MAP2K3: variants seen among roughly 807,000 people sequenced by gnomAD.
MAP2K3 encodes the protein dual specificity mitogen-activated protein kinase kinase 3.
A neutral mutation model predicts 46.4 loss-of-function variants in MAP2K3; 30 were observed. That is an observed-to-expected ratio of 0.65 (90% CI 0.48 to 0.88). The LOEUF (loss-of-function observed/expected upper bound fraction) is 0.88, where lower values mean the gene tolerates loss of function less well. MAP2K3 is among the 40% of genes least tolerant of loss of function. MAP2K3 has a pLI of 0.00. For missense variants in MAP2K3, 380 were observed against 464.5 expected (o/e 0.82, Z 1.67); for synonymous variants, 189 against 176.3 (o/e 1.07, Z -0.57).
At chr17:21,298,260 G>T in intron 1 of MAP2K3, 153 bp from the exon 2 acceptor site, 1 of 1,104,380 alleles carries the variant, frequency 9.1e-7, no homozygotes, top group Non-Finnish European at 1.4e-6. Flanking sequence ...CCCCTTTGAA[G>T]GCCTAACGGC....
chr17:21,284,763 C>G lies in MAP2K3; in HGVS notation c.-158C>G. 2.8e-6 allele frequency: 2 copies of G among 717,040 alleles called. No homozygotes were observed. Among genetic ancestry groups the G allele is most frequent in the Non-Finnish European group, 4.3e-6 (2 of 469,114 alleles). The allele number at this position is 717,040 out of a possible 1,614,324, so 44.4% of individuals were successfully genotyped here. A position where few individuals can be genotyped will look rare whatever the true frequency, so the allele number is the denominator to read the frequency against. On this transcript the variant is annotated 5_prime_UTR_variant, in exon 1 of 12. Coordinates refer to ENST00000342679, the MANE Select transcript of MAP2K3 (RefSeq NM_145109.3). ...GACTCGTCCTTGCTGCAGTCGCCGC[C>G]GCAGTCCTCGCCGCAGTCGCCGCCG...
At chr17:21,312,936 A>G (rs554641731) in intron 10 of MAP2K3, among the ~76,000 whole-genome samples, 1 of 149,888 alleles carries the variant, frequency 6.7e-6, no homozygotes, top group Admixed American at 6.6e-5. Context: ...AAAAAAAATC[A>G]TGTTTGAGGT....
chr17:21,301,811 G>C (rs1335549996), intron 5 of MAP2K3, among the ~76,000 whole-genome samples: 49 of 152,394 alleles, frequency 3.2e-4, no homozygotes, highest in African/African-American at 1.1e-3. Flanking sequence ...AGCAGGGCCG[G>C]CTGTTGCCAT....
At chr17:21,285,339 C>A in intron 1 of MAP2K3, 3 of 955,590 alleles carry the variant, frequency 3.1e-6, no homozygotes, top group East Asian at 1.2e-4. Context: ...GAGATTCACA[C>A]TGGCCTTCAC....
At chr17:21,289,471 A>T (rs568672700) in intron 1 of MAP2K3, among the ~76,000 whole-genome samples, 26 of 152,260 alleles carry the variant, frequency 1.7e-4, no homozygotes, top group African/African-American at 5.5e-4. Context: ...GAGGGGAGCA[A>T]CTGGGTGCCA....
At chr17:21,298,265 A>G in intron 1 of MAP2K3, 148 bp from the exon 2 acceptor site, 1 of 1,167,146 alleles carries the variant, frequency 8.6e-7, no homozygotes, top group Non-Finnish European at 1.3e-6. Context: ...TTGAAGGCCT[A>G]ACGGCCTGGC....
intron 9 of MAP2K3, among the ~76,000 whole-genome samples, chr17:21,307,845 C>CTTTTTTTTTTTT (rs35690616): frequency 9.5e-6 from 1 of 104,764 alleles, no homozygotes; most frequent in Non-Finnish European, 1.8e-5. Flanking sequence ...GCCCGGCTAT[C>CTTTTTTTTTTTT]TTTTTTTTTT....
intron 1 of MAP2K3, chr17:21,288,011 C>T (rs1975770567): frequency 7.8e-7 from 1 of 1,289,074 alleles, no homozygotes; most frequent in Non-Finnish European, 1.0e-6. Context: ...GTCAGCCAAC[C>T]CATGGCCCAG....
intron 5 of MAP2K3, 97 bp downstream of exon 5, chr17:21,301,090 G>A (rs1381799123): frequency 1.3e-6 from 2 of 1,585,374 alleles, no homozygotes; most frequent in Middle Eastern, 1.7e-4. Flanking sequence ...GCCAGGTGCT[G>A]GGGACACCTG....
intron 9 of MAP2K3, among the ~76,000 whole-genome samples, chr17:21,308,581 T>C (rs73313772): frequency 2.0e-5 from 3 of 152,292 alleles, no homozygotes; most frequent in Admixed American, 6.5e-5. Flanking sequence ...TTTTCTTTAA[T>C]TGGTGACATG....
At chr17:21,306,039 C>A (rs1030456474) in intron 9 of MAP2K3, among the ~76,000 whole-genome samples, 2 of 152,230 alleles carry the variant, frequency 1.3e-5, no homozygotes, top group African/African-American at 4.8e-5. Context: ...GAAGCGCTGG[C>A]GGGGTGTTTT....
At chr17:21,299,026 T>C in intron 3 of MAP2K3, 100 bp downstream of exon 3, 1 of 1,530,910 alleles carries the variant, frequency 6.5e-7, no homozygotes, top group Non-Finnish European at 9.0e-7. Flanking sequence ...GACTGAGGGG[T>C]CAGAGAGGGT....
chr17:21,297,588 C>T (rs1182007672), intron 1 of MAP2K3, among the ~76,000 whole-genome samples: 1 of 152,308 alleles, frequency 6.6e-6, no homozygotes, highest in Non-Finnish European at 1.5e-5. Flanking sequence ...CAAAGGGCGG[C>T]CCTGACTACA....
intron 3 of MAP2K3, among the ~76,000 whole-genome samples, 198 bp downstream of exon 3, chr17:21,299,124 C>T (rs1013092733): frequency 6.6e-6 from 1 of 152,312 alleles, no homozygotes. Context: ...GGAATGAGGA[C>T]CATCGGCTGC....
Position 21,300,607 on chromosome 17 carries a change from G to A in MAP2K3, c.228G>A (p.Gly76=), listed in dbSNP as rs770333840. ...TISELGRGAY[G]VVEKVRHAQS... is the part of the protein sequence containing the mutation. ...CAGAACTGGGCCGTGGAGCCTATGG[G>A]GTGGTAGAGAAGGTGCGGCACGCCC... is the stretch of plus-strand genomic sequence containing the variant. The change falls in exon 4 of 12, where the codon GGG becomes GGA. Residue 76 remains glycine (G), a synonymous_variant. Coordinates refer to ENST00000342679, the MANE Select transcript of MAP2K3 (RefSeq NM_145109.3). The A allele has an allele frequency of 9.9e-6, 16 of 1,613,076 alleles. No homozygotes were observed. In the East Asian group the frequency reaches 2.2e-4, roughly 22 times the overall value.
intron 2 of MAP2K3, 44 bp downstream of exon 2, chr17:21,298,523 T>A: frequency 6.2e-7 from 1 of 1,614,182 alleles, no homozygotes; most frequent in Non-Finnish European, 8.5e-7. Flanking sequence ...TGGAGAGGCT[T>A]CCCGAACAGG....
At chr17:21,304,146 A>T (rs1281279489) in intron 7 of MAP2K3, among the ~76,000 whole-genome samples, 2 of 152,306 alleles carry the variant, frequency 1.3e-5, no homozygotes, top group Non-Finnish European at 2.9e-5. Flanking sequence ...CTCCCAGCAA[A>T]GCACCTGGAG....
chr17:21,301,020 G>T, intron 5 of MAP2K3, 27 bp downstream of exon 5: 1 of 1,613,862 alleles, frequency 6.2e-7, no homozygotes, highest in Non-Finnish European at 8.5e-7. Flanking sequence ...TGCAGCTGGG[G>T]ATCTCCACCT....
At chr17:21,302,364 C>G (rs1976656640) in intron 6 of MAP2K3, 105 bp downstream of exon 6, 1 of 1,326,778 alleles carries the variant, frequency 7.5e-7, no homozygotes, top group Non-Finnish European at 1.1e-6. Flanking sequence ...TTGGGCAGAG[C>G]TGGGCATCAA....
Sources: allele counts gnomAD v4.1 joint callset (sites outside exome capture counted in the v4.1 genomes callset), GRCh38; gene constraint gnomAD v4.1.1; transcripts MANE v1.5; gene names NCBI Gene and HGNC (gene_info 2026-07-23, HGNC 2026-07-21).